Variants in MID1 observed in about 807,000 individuals in gnomAD.
MID1 encodes midline 1.
In MID1, 7 loss-of-function variants were observed where a neutral mutation model predicts 40.4. The observed-to-expected ratio is 0.17, with a 90% CI of 0.10 to 0.33. The LOEUF (loss-of-function observed/expected upper bound fraction) is 0.33. Ranked by LOEUF, MID1 falls within the 10% of genes least tolerant of loss-of-function variation. The pLI is 1.00. For missense variants in MID1, 367 were observed against 558.5 expected (o/e 0.66, Z 3.46); for synonymous variants, 229 against 221.2 (o/e 1.04, Z -0.31).
At chrX:10,811,074 G>A (rs7062680) in intron 1 of MID1, among the ~76,000 whole-genome samples, 35 of 111,006 alleles carry the variant, frequency 3.2e-4, no homozygotes, top group African/African-American at 1.1e-3. Flanking sequence ...CAGCAGTCAG[G>A]GTTGCTGTTA....
intron 1 of MID1, among the ~76,000 whole-genome samples, chrX:10,567,958 C>T (rs1934618829): frequency 1.8e-5 from 2 of 111,405 alleles, no homozygotes; most frequent in African/African-American, 6.5e-5. Context: ...GGTTTAACCT[C>T]GCACAGAAAA....
chrX:10,700,732 A>G (rs190050335), intron 1 of MID1, among the ~76,000 whole-genome samples: 12 of 112,097 alleles, frequency 1.1e-4, no homozygotes, highest in Admixed American at 8.5e-4. Flanking sequence ...CCTTCAATAA[A>G]TACAATTAAA....
chrX:10,822,616 C>A (rs1054916760), intron 1 of MID1, among the ~76,000 whole-genome samples: 4 of 111,398 alleles, frequency 3.6e-5, no homozygotes, highest in Non-Finnish European at 7.5e-5. Context: ...CTAGAGTCTA[C>A]AAGGAACTTA....
intron 1 of MID1, chrX:10,833,494 T>C (rs1393175904): frequency 8.9e-6 from 1 of 112,232 alleles, no homozygotes; most frequent in African/African-American, 3.2e-5. Flanking sequence ...GCTTCCTGGG[T>C]GAGAGCAGAC....
rs753916069 is a variant in MID1 at position 10,482,664 on chromosome X, T to C, written c.865-36A>G. ...AGAGGCATGGAGAGAGATGGTTACA[T>C]GGGTGGTCTTGCTTAATGAAAAGGC... On this transcript the variant is annotated intron_variant, in intron 4 of 9. Transcript: ENST00000317552. The C allele has an allele frequency of 4.2e-6, 5 of 1,188,640 alleles. No individual in the cohort carries two copies. The African/African-American group carries it at 7.0e-5, about 17-fold the overall frequency.
chrX:10,815,326 A>G (rs1281706159), intron 1 of MID1, among the ~76,000 whole-genome samples: 1 of 112,269 alleles, frequency 8.9e-6, no homozygotes, highest in Non-Finnish European at 1.9e-5. Flanking sequence ...CTGAGCCAGA[A>G]CAAGAAATCA....
At chrX:10,609,126 G>A (rs1358767052) in intron 1 of MID1, among the ~76,000 whole-genome samples, 1 of 108,845 alleles carries the variant, frequency 9.2e-6, no homozygotes, top group Non-Finnish European at 1.9e-5. Context: ...ACATTACAGG[G>A]ATATTTATAC....
chrX:10,695,458 C>A (rs1035848434), intron 1 of MID1, among the ~76,000 whole-genome samples: 13 of 111,802 alleles, frequency 1.2e-4, no homozygotes. Context: ...TCTTTTCAGG[C>A]TTTTGCATTT....
chrX:10,708,822 A>T, intron 1 of MID1, among the ~76,000 whole-genome samples: 1 of 112,366 alleles, frequency 8.9e-6, no homozygotes, highest in South Asian at 3.8e-4. Flanking sequence ...AGAGGAATAC[A>T]TTATTTGGTT....
At chrX:10,656,634 C>T (rs2042874869) in intron 1 of MID1, among the ~76,000 whole-genome samples, 1 of 111,465 alleles carries the variant, frequency 9.0e-6, no homozygotes, top group Admixed American at 9.5e-5. Context: ...GATTGAGATT[C>T]CCATACGATT....
intron 7 of MID1, among the ~76,000 whole-genome samples, chrX:10,465,848 A>T (rs1009565047): frequency 2.7e-5 from 3 of 112,161 alleles, no homozygotes; most frequent in Non-Finnish European, 5.6e-5. Flanking sequence ...CTATGCCAGA[A>T]TCCTAACCCA....
chrX:10,604,595 T>G (rs1935592072), intron 1 of MID1, among the ~76,000 whole-genome samples: 1 of 112,103 alleles, frequency 8.9e-6, no homozygotes, highest in Non-Finnish European at 1.9e-5. Flanking sequence ...GGATTGCCTC[T>G]GCTATATACA....
chrX:10,772,528 C>T (rs1297432116), intron 1 of MID1, among the ~76,000 whole-genome samples: 1 of 107,999 alleles, frequency 9.3e-6, no homozygotes, highest in African/African-American at 3.4e-5. Context: ...ACTCATGTAA[C>T]TAAATACCAC....
chrX:10,522,204 T>C (rs1178142908), intron 3 of MID1, among the ~76,000 whole-genome samples: 1 of 111,661 alleles, frequency 9.0e-6, no homozygotes, highest in Non-Finnish European at 1.9e-5. Flanking sequence ...GTGGGCTCTT[T>C]ATAACAATAA....
At chrX:10,729,900 T>C (rs1300441068) in intron 1 of MID1, among the ~76,000 whole-genome samples, 1 of 109,781 alleles carries the variant, frequency 9.1e-6, no homozygotes, top group Non-Finnish European at 1.9e-5. Flanking sequence ...CTGGTTAACA[T>C]GGTGAAACCC....
intron 1 of MID1, among the ~76,000 whole-genome samples, chrX:10,711,700 ATAAAG>A (rs2043268767): frequency 8.9e-6 from 1 of 112,867 alleles, no homozygotes; most frequent in Non-Finnish European, 1.9e-5. Context: ...TAGGCAGTGT[ATAAAG>A]GTTTGTAGTG....
At position 10,461,083 on chromosome X, in the gene MID1, A is replaced by AATATATATATAT. The variant is rs35175429; in HGVS notation, c.1286-1288_1286-1277dup. 5.1e-4 allele frequency among the ~76,000 whole-genome samples: 51 copies of AATATATATATAT among 99,354 alleles called. 1 individual carries two copies. The highest frequency in any genetic ancestry group is 1.9e-3 in the African/African-American group (51 of 26,243). 86.3% of individuals were successfully genotyped at this position (99,354 alleles called of 115,157 possible). Reference sequence around the variant, plus strand: ...TTTTCAAGTACACATCAGTGAATTAAATATATATATATATATATGTATGTA... The same window carrying AATATATATATAT: ...TTTTCAAGTACACATCAGTGAATTAAATATATATATATATATATATATATATATATGTATGTA... On this transcript the variant is annotated intron_variant, in intron 7 of 9. Coordinates refer to ENST00000317552, the MANE Select transcript of MID1 (RefSeq NM_000381.4).
At position 10,448,507 on chromosome X, in the gene MID1, A is replaced by C. The variant is rs1230402330; in HGVS notation, c.*861T>G. The stretch of plus-strand genomic sequence containing the variant: ...ATTTCACAGGTCTAAAGGAACTATT[A>C]AAAGGAAGGATAAAGTAGATTCTAT... On this transcript the variant is annotated 3_prime_UTR_variant, in exon 10 of 10. Transcript: ENST00000317552. The C allele has an allele frequency of 8.9e-6, 1 of 112,069 alleles. No individual in the cohort carries two copies. The highest frequency in any genetic ancestry group is 3.2e-5 in the African/African-American group (1 of 30,808). 9.2% of individuals were successfully genotyped at this position (112,069 alleles called of 1,213,427 possible). A position where few individuals can be genotyped will look rare whatever the true frequency, so the allele number is the denominator to read the frequency against.
intron 1 of MID1, among the ~76,000 whole-genome samples, chrX:10,704,596 A>T (rs1210462206): frequency 9.2e-6 from 1 of 108,222 alleles, no homozygotes; most frequent in Non-Finnish European, 1.9e-5. Context: ...AAGTTACAAC[A>T]GAATCCAAAT....
Sources: allele counts gnomAD v4.1 joint callset (sites outside exome capture counted in the v4.1 genomes callset), GRCh38; gene constraint gnomAD v4.1.1; transcripts MANE v1.5; gene names NCBI Gene and HGNC (gene_info 2026-07-23, HGNC 2026-07-21).